The following ANGPT1 variants were observed in gnomAD, a reference collection of about 807,000 sequenced individuals.
The protein encoded by ANGPT1 is angiopoietin-1.
In ANGPT1, 17 loss-of-function variants were observed where a neutral mutation model predicts 62.2. That is an observed-to-expected ratio of 0.27 (90% confidence interval 0.19 to 0.41). The LOEUF is 0.41. ANGPT1 is among the 10% of genes least tolerant of loss of function. The pLI is 1.00. For missense variants in ANGPT1, 478 were observed against 594.9 expected, an observed-to-expected ratio of 0.80 and a Z score of 2.04; for synonymous variants, 199 against 198.9, an observed-to-expected ratio of 1.00 and a Z score of 0.00.
chr8:107,336,457 A>G, intron 2 of ANGPT1, 186 bp from the exon 3 acceptor site: 2 of 827,392 alleles, frequency 2.4e-6, no homozygotes, highest in Non-Finnish European at 3.2e-6. Context: ...CGAGGTCAAG[A>G]GATCGAGACC....
At chr8:107,479,812 C>T (rs16876345) in intron 1 of ANGPT1, among the ~76,000 whole-genome samples, 3,190 of 152,158 alleles carry the variant, frequency 0.021, 99 homozygotes, top group African/African-American at 0.069. Flanking sequence ...TTGTGGAATT[C>T]AGAGTGTGGA....
chr8:107,351,787 A>T (rs533282678), intron 1 of ANGPT1, among the ~76,000 whole-genome samples: 5 of 152,056 alleles, frequency 3.3e-5, no homozygotes, highest in African/African-American at 1.2e-4. Context: ...TTTTTTTCTT[A>T]GTAACATAAG....
intron 1 of ANGPT1, among the ~76,000 whole-genome samples, chr8:107,408,384 T>G (rs2130349179): frequency 6.6e-6 from 1 of 152,276 alleles, no homozygotes; most frequent in African/African-American, 2.4e-5. Context: ...TTTTATAAGT[T>G]TGAAAAGATT....
At chr8:107,442,813 C>T (rs1216115785) in intron 1 of ANGPT1, among the ~76,000 whole-genome samples, 2 of 152,162 alleles carry the variant, frequency 1.3e-5, no homozygotes, top group Admixed American at 1.3e-4. Flanking sequence ...TAATTTTCCA[C>T]AAGTCTTAGT....
At chr8:107,434,599 A>C (rs530989988) in intron 1 of ANGPT1, among the ~76,000 whole-genome samples, 1 of 143,370 alleles carries the variant, frequency 7.0e-6, no homozygotes, top group East Asian at 2.0e-4. Context: ...AACTTTAAAA[A>C]AAAAGAAAAA....
Position 107,264,181 on chromosome 8 carries a change from C to T in ANGPT1, c.1336+40G>A, listed in dbSNP as rs370431788. On this transcript the variant is annotated intron_variant, in intron 8 of 8. Transcript: ENST00000517746. ...AGATAAGAAACCTTAAGCCCCAAAC[C>T]AATGAAACATAGCTTAGAGAATGGC... 5.0e-6 allele frequency: 8 copies of T among 1,585,770 alleles called. No homozygotes were observed. The African/African-American group carries it at 9.5e-5, about 19-fold the overall frequency.
chr8:107,469,250 C>T (rs1812284103), intron 1 of ANGPT1, among the ~76,000 whole-genome samples: 1 of 151,892 alleles, frequency 6.6e-6, no homozygotes, highest in South Asian at 2.1e-4. Context: ...TGACCAAATC[C>T]AATCTTTTAT....
chr8:107,365,904 T>C (rs1299727), intron 1 of ANGPT1, among the ~76,000 whole-genome samples: 79,252 of 150,904 alleles, frequency 0.53, 20,839 homozygotes, highest in Admixed American at 0.61. Context: ...TTTGCCTGTA[T>C]ACACAAATAG....
Position 107,346,951 on chromosome 8 carries a change from A to G in ANGPT1, c.444T>C (p.Val148=). The G allele has an allele frequency of 6.2e-7, 1 of 1,611,806 alleles. No homozygotes were observed. The highest frequency in any genetic ancestry group is 2.2e-5 in the East Asian group (1 of 44,844). Residue 148 remains valine (V), a synonymous_variant, in exon 2 of 9, where the codon GTT becomes GTC. Transcript: ENST00000517746. ...TAEQTRKLTD[V]ETQVLNQTSR... ...TGGCCCTGGGGTGTACCTGGGTCTC[A>G]ACATCTGTCAGCTTTCTGGTCTGCT...
chr8:107,321,841 C>T (rs1586221446), intron 4 of ANGPT1, 55 bp downstream of exon 4: 1 of 1,509,634 alleles, frequency 6.6e-7, no homozygotes, highest in Non-Finnish European at 9.2e-7. Flanking sequence ...TGAGTATTTA[C>T]TTGATCAAAG....
intron 8 of ANGPT1, among the ~76,000 whole-genome samples, chr8:107,259,589 C>T (rs1335466854): frequency 6.6e-6 from 1 of 152,066 alleles, no homozygotes; most frequent in Non-Finnish European, 1.5e-5. Context: ...CACATTTTTA[C>T]ATAGCCTTTA....
At chr8:107,371,266 G>C (rs983491154) in intron 1 of ANGPT1, among the ~76,000 whole-genome samples, 1 of 152,204 alleles carries the variant, frequency 6.6e-6, no homozygotes, top group African/African-American at 2.4e-5. Flanking sequence ...GTGTGGACTA[G>C]AGTCTACTGA....
chr8:107,364,498 C>T (rs1816232660), intron 1 of ANGPT1, among the ~76,000 whole-genome samples: 1 of 152,108 alleles, frequency 6.6e-6, no homozygotes, highest in Admixed American at 6.6e-5. Flanking sequence ...TCAGGCTGGT[C>T]TCAAACTCCA....
intron 1 of ANGPT1, among the ~76,000 whole-genome samples, chr8:107,389,690 C>T (rs1816797651): frequency 6.6e-6 from 1 of 152,106 alleles, no homozygotes; most frequent in South Asian, 2.1e-4. Flanking sequence ...CAAAGTAAAC[C>T]TCTGTGCAAA....
intron 1 of ANGPT1, among the ~76,000 whole-genome samples, chr8:107,491,405 A>G (rs1311321305): frequency 1.3e-5 from 2 of 152,224 alleles, no homozygotes; most frequent in African/African-American, 2.4e-5. Context: ...TAAGTAACAC[A>G]GCATTATGCA....
chr8:107,372,222 C>A (rs998497000), intron 1 of ANGPT1, among the ~76,000 whole-genome samples: 1 of 152,024 alleles, frequency 6.6e-6, no homozygotes, highest in Non-Finnish European at 1.5e-5. Flanking sequence ...ACCAGTAGTG[C>A]CTCCCAGCTG....
chr8:107,369,869 C>T (rs1259148600), intron 1 of ANGPT1, among the ~76,000 whole-genome samples: 3 of 151,976 alleles, frequency 2.0e-5, no homozygotes, highest in Non-Finnish European at 4.4e-5. Context: ...CACTGATGTG[C>T]CAAGTGCAGC....
intron 8 of ANGPT1, among the ~76,000 whole-genome samples, chr8:107,258,727 A>C (rs748247292): frequency 6.6e-6 from 1 of 152,142 alleles, no homozygotes; most frequent in South Asian, 2.1e-4. Context: ...ATAATTCTGC[A>C]GTTCAGTCTT....
intron 1 of ANGPT1, among the ~76,000 whole-genome samples, chr8:107,387,770 C>T (rs530468887): frequency 1.9e-4 from 27 of 141,704 alleles, no homozygotes; most frequent in African/African-American, 6.2e-4. Flanking sequence ...CCAAGCAATA[C>T]TATAATCTCT....
Sources: gnomAD v4.1 joint callset for allele counts (sites outside exome capture counted in the v4.1 genomes callset) on GRCh38, gnomAD v4.1.1 for gene constraint, MANE v1.5 for transcripts, NCBI Gene and HGNC (gene_info 2026-07-23, HGNC 2026-07-21) for gene names.